GGT7: variants seen among roughly 807,000 people sequenced by gnomAD.
The protein encoded by GGT7 is gamma-glutamyltransferase 7, also known as glutathione hydrolase 7.
In GGT7, 30 loss-of-function variants were observed where a neutral mutation model predicts 69.2. The observed-to-expected ratio is 0.43, with a 90% CI of 0.32 to 0.59. The LOEUF is 0.59. GGT7 is among the 20% of genes least tolerant of loss of function. The pLI is 0.05. For synonymous variants in GGT7, 388 were observed against 391.8 expected (o/e 0.99, Z 0.12); for missense variants, 733 against 901.1 (o/e 0.81, Z 2.39).
At chr20:34,859,898 C>T (rs1601235722) in intron 6 of GGT7, 71 bp downstream of exon 6, 1 of 1,136,836 alleles carries the variant, frequency 8.8e-7, no homozygotes, top group South Asian at 1.3e-5. Flanking sequence ...CTGGCTTGGG[C>T]TCCAAATCTC....
intron 14 of GGT7, among the ~76,000 whole-genome samples, chr20:34,846,305 TTTCTTTC>T (rs1329595536): frequency 5.6e-5 from 6 of 107,010 alleles, no homozygotes; most frequent in South Asian, 7.2e-4. Flanking sequence ...CCTTTCTTTC[TTTCTTTC>T]TTTTTTTTGA....
rs762796938 is a variant in GGT7, at chr20:34,863,445, G to A, written c.273C>T (p.Asp91=). The A allele has an allele frequency of 1.2e-6, 2 of 1,612,912 alleles. No individual in the cohort carries two copies. Among genetic ancestry groups the A allele is most frequent in the Non-Finnish European group, 1.7e-6 (2 of 1,179,724 alleles). The part of the protein sequence containing the change: ...DGSPLRETRK[D]PFSAAAAECS... ...ACTCGGCCGCTGCGGCGGAGAACGGGTCTTTGCGCGTCTCGCGTAGCGGCG... is the reference window on the plus strand; with the variant it reads ...ACTCGGCCGCTGCGGCGGAGAACGGATCTTTGCGCGTCTCGCGTAGCGGCG... Residue 91 remains aspartate, a synonymous_variant, in exon 2 of 15, where the codon GAC becomes GAT. Coordinates refer to ENST00000336431, the MANE Select transcript of GGT7 (RefSeq NM_178026.3). The surrounding 1 kb of genome is among the most constrained non-coding windows in gnomAD (Gnocchi z 4.4).
chr20:34,851,812 T>A (rs2079398787), intron 12 of GGT7, among the ~76,000 whole-genome samples: 1 of 152,206 alleles, frequency 6.6e-6, no homozygotes, highest in South Asian at 2.1e-4. Context: ...CTGAGCCCCA[T>A]CAGCTCAAGC....
At chr20:34,872,301 C>T in intron 1 of GGT7, 1 of 191,620 alleles carries the variant, frequency 5.2e-6, no homozygotes, top group Non-Finnish European at 1.1e-5. Flanking sequence ...TTCTCCTATC[C>T]TGTCCTCTGT....
chr20:34,850,143 G>A, intron 13 of GGT7, 83 bp from the exon 14 acceptor site: 1 of 960,350 alleles, frequency 1.0e-6, no homozygotes, highest in Non-Finnish European at 1.7e-6. Flanking sequence ...CTTGGTCCAG[G>A]CTCCTTAGTC....
intron 14 of GGT7, among the ~76,000 whole-genome samples, chr20:34,846,602 G>A (rs1272105739): frequency 2.6e-5 from 4 of 151,886 alleles, no homozygotes; most frequent in Admixed American, 1.3e-4. Context: ...GAGCCACCGC[G>A]CCTGGCCCCC....
At chr20:34,864,116 TGTGGCAG>T (rs2079649782) in intron 1 of GGT7, among the ~76,000 whole-genome samples, 1 of 152,120 alleles carries the variant, frequency 6.6e-6, no homozygotes, top group African/African-American at 2.4e-5. Flanking sequence ...AATTACAAGT[TGTGGCAG>T]GTGCTATGAA....
chr20:34,872,819 C>A lies in GGT7; in HGVS notation c.-4G>T, dbSNP rs766625406. ...TGGCCTCGTTCTCCGCCGCCATCCT[C>A]GCCCGCGCCCCCCAGCAGCGCAGCG... On this transcript the variant is annotated 5_prime_UTR_variant, in exon 1 of 15. Transcript: ENST00000336431. 21 of 1,339,426 alleles carry A rather than the reference C, an allele frequency of 1.6e-5. No homozygotes were observed. The African/African-American group carries it at 2.9e-4, about 19-fold the overall frequency. 83.0% of individuals were successfully genotyped at this position (1,339,426 alleles called of 1,614,324 possible).
Position 34,863,078 on chromosome 20 carries a change from G to T in GGT7, c.406-113C>A. On this transcript the variant is annotated intron_variant, in intron 2 of 14. Transcript: ENST00000336431. This position sits in a 1 kb window ranked among gnomAD's most constrained non-coding sequence, Gnocchi z 4.4. ...ATGAAGGTCGAAGCCCTGCCCCCTT[G>T]TTGCCTTGACTCTGCCCTCATTACC... The T allele has an allele frequency of 1.8e-6, 2 of 1,095,304 alleles. No individual in the cohort carries two copies. The highest frequency in any genetic ancestry group is 2.6e-6 in the Non-Finnish European group (2 of 759,188). The allele number at this position is 1,095,304 out of a possible 1,614,324, so 67.8% of individuals were successfully genotyped here. A position where few individuals can be genotyped will look rare whatever the true frequency, so the allele number is the denominator to read the frequency against.
At chr20:34,870,822 C>T (rs1194770328) in intron 1 of GGT7, among the ~76,000 whole-genome samples, 1 of 151,994 alleles carries the variant, frequency 6.6e-6, no homozygotes. Context: ...GACTGAGTCT[C>T]ACTCTGTCAC....
Position 34,845,130 on chromosome 20 carries a change from CCA to C in GGT7, c.*196_*197del. The C allele has an allele frequency of 1.1e-5, 5 of 445,782 alleles. No individual in the cohort carries two copies. Among genetic ancestry groups the C allele is most frequent in the Non-Finnish European group, 2.1e-5 (5 of 240,146 alleles). The allele number at this position is 445,782 out of a possible 1,614,324, so 27.6% of individuals were successfully genotyped here. A position where few individuals can be genotyped will look rare whatever the true frequency, so the allele number is the denominator to read the frequency against. On this transcript the variant is annotated 3_prime_UTR_variant, in exon 15 of 15. Coordinates refer to ENST00000336431, the MANE Select transcript of GGT7 (RefSeq NM_178026.3). ...CTGACACTCACCACCACCACCACCA[CCA>C]CCACCACCACCACCACCACCACAGG...
At position 34,861,436 on chromosome 20, in the gene GGT7, G is replaced by C. The variant is rs1829798566; in HGVS notation, c.675+9C>G. On this transcript the variant is annotated intron_variant, in intron 4 of 14. Transcript: ENST00000336431. ...CCCCTGAACTCTCTCTTCTCACCAG[G>C]GTCCCCACCTTGGTCTCCCAGGATC... The C allele has an allele frequency of 7.0e-7, 1 of 1,430,532 alleles. No homozygotes were observed. The highest frequency in any genetic ancestry group is 1.2e-5 in the South Asian group (1 of 80,362). The allele number at this position is 1,430,532 out of a possible 1,614,324, so 88.6% of individuals were successfully genotyped here. A position where few individuals can be genotyped will look rare whatever the true frequency, so the allele number is the denominator to read the frequency against.
chr20:34,851,220 G>A lies in GGT7; in HGVS notation c.1725+11C>T, dbSNP rs199778791. The A allele has an allele frequency of 1.4e-4, 225 of 1,612,520 alleles. No individual in the cohort carries two copies. The Middle Eastern group carries it at 1.5e-3, about 11-fold the overall frequency. On this transcript the variant is annotated intron_variant, in intron 13 of 14. Coordinates refer to ENST00000336431, the MANE Select transcript of GGT7 (RefSeq NM_178026.3). ...CCGGCTGAAAAAGGCCAACCATGGC[G>A]TAAACCTCACCTGTGTCAGGCCGCT... is the stretch of plus-strand genomic sequence containing the variant.
At position 34,863,757 on chromosome 20, in the gene GGT7, C is replaced by T; in HGVS notation, c.170-209G>A. On this transcript the variant is annotated intron_variant, in intron 1 of 14. Coordinates refer to ENST00000336431, the MANE Select transcript of GGT7 (RefSeq NM_178026.3). This position sits in a 1 kb window ranked among gnomAD's most constrained non-coding sequence, Gnocchi z 4.4. ...TAGGAAGAGACAGGGACCTCCCCAG[C>T]TGGGCAGCAGGGAGGCTGGATTCCC... The T allele has an allele frequency of 2.8e-6, 2 of 712,758 alleles. No individual in the cohort carries two copies. Among genetic ancestry groups the T allele is most frequent in the South Asian group, 3.0e-5 (2 of 66,710 alleles). The allele number at this position is 712,758 out of a possible 1,614,324, so 44.2% of individuals were successfully genotyped here.
intron 1 of GGT7, among the ~76,000 whole-genome samples, chr20:34,867,878 C>T (rs1433340060): frequency 6.6e-6 from 1 of 152,088 alleles, no homozygotes; most frequent in East Asian, 1.9e-4. Context: ...GTACTTATTG[C>T]TTTGTTTTTG....
At chr20:34,871,619 G>C (rs1486141917) in intron 1 of GGT7, among the ~76,000 whole-genome samples, 1 of 152,268 alleles carries the variant, frequency 6.6e-6, no homozygotes, top group Non-Finnish European at 1.5e-5. Flanking sequence ...AGAAAGTGTA[G>C]AGGAGGAGAG....
intron 1 of GGT7, among the ~76,000 whole-genome samples, chr20:34,869,877 G>A (rs1428175316): frequency 2.0e-5 from 3 of 152,212 alleles, no homozygotes; most frequent in African/African-American, 7.2e-5. Context: ...GGAGACACAG[G>A]CCTGGGAGAG....
rs201518415 is a variant in GGT7, at chr20:34,854,927, A to G, written c.1103-4T>C. 913 of 1,613,448 alleles carry G rather than the reference A, an allele frequency of 5.7e-4. 7 individuals carry two copies. The Middle Eastern group carries it at 0.011, about 19-fold the overall frequency. ...GGGGGACTAAGAACCAGGTGGCCTG[A>G]AAGGACAGGAAGTGACTGATGGCAG... On this transcript the variant is annotated splice_region_variant and splice_polypyrimidine_tract_variant and intron_variant, in intron 8 of 14. Transcript: ENST00000336431.
At position 34,855,789 on chromosome 20, in the gene GGT7, C is replaced by CTGTGTGTGTGTGTGTG. The variant is rs3138662; in HGVS notation, c.1103-882_1103-867dup. Among the ~76,000 whole-genome samples the CTGTGTGTGTGTGTGTG allele has an allele frequency of 1.3e-3, 183 of 144,156 alleles. 1 individual carries two copies. Among genetic ancestry groups the CTGTGTGTGTGTGTGTG allele is most frequent in the South Asian group, 6.2e-3 (26 of 4,222 alleles). 94.6% of individuals were successfully genotyped at this position (144,156 alleles called of 152,430 possible). On this transcript the variant is annotated intron_variant, in intron 8 of 14. Transcript: ENST00000336431. ...CGCTACGCTTGTTCTTTTTTCTTTT[C>CTGTGTGTGTGTGTGTG]TGTGTGTGTGTGTGTGTGTGTGTGT... is the stretch of plus-strand genomic sequence containing the variant.
Sources: allele counts gnomAD v4.1 joint callset (sites outside exome capture counted in the v4.1 genomes callset), GRCh38; gene constraint gnomAD v4.1.1; non-coding constraint Gnocchi (gnomAD v3.1); transcripts MANE v1.5; gene names NCBI Gene and HGNC (gene_info 2026-07-23, HGNC 2026-07-21).